Variants in RNF44 observed in about 807,000 individuals in gnomAD.
RNF44 encodes ring finger protein 44.
In RNF44, 25 loss-of-function variants were observed where a neutral mutation model predicts 53.6. That is an observed-to-expected ratio of 0.47 (90% CI 0.34 to 0.65). The LOEUF (loss-of-function observed/expected upper bound fraction) is 0.65. RNF44 is among the 30% of genes least tolerant of loss of function. RNF44 has a pLI of 0.01. For synonymous variants in RNF44, 282 were observed against 252.2 expected (o/e 1.12, Z -1.12); for missense variants, 581 against 595.5 (o/e 0.98, Z 0.25).
At chr5:176,540,056 C>T (rs182343821), upstream of RNF44, among the ~76,000 whole-genome samples, 1 of 152,336 alleles carries the variant, frequency 6.6e-6, no homozygotes, top group East Asian at 1.9e-4. Context: ...TGTGACATCT[C>T]CAGCTGTGCT....
intron 10 of RNF44, 35 bp downstream of exon 10, chr5:176,529,253 G>A (rs1350479536): frequency 1.3e-6 from 2 of 1,588,108 alleles, no homozygotes; most frequent in Admixed American, 1.7e-5. Context: ...GTCACTGCAT[G>A]AGGAATACCC....
At chr5:176,537,403 G>T (rs1757296360), upstream of RNF44, 1 of 151,638 alleles carries the variant, frequency 6.6e-6, no homozygotes, top group South Asian at 2.1e-4. Flanking sequence ...CTGCAAGCCC[G>T]CAGGGGCCCC....
rs1756791771 is a variant in RNF44 at position 176,532,528 on chromosome 5, G to A, written c.-44-12C>T. The A allele has an allele frequency of 6.7e-7, 1 of 1,484,940 alleles. No homozygotes were observed. Among genetic ancestry groups the A allele is most frequent in the Non-Finnish European group, 8.9e-7 (1 of 1,121,676 alleles). 92.0% of individuals were successfully genotyped at this position (1,484,940 alleles called of 1,614,324 possible). On this transcript the variant is annotated splice_polypyrimidine_tract_variant and intron_variant, in intron 1 of 10. Transcript: ENST00000274811. Reference sequence around the variant, plus strand: ...CGGGACTCACAACCCTAGGAGGCAAGGAGACAAGAAGACTGAGGCACCTGG... The same window carrying A: ...CGGGACTCACAACCCTAGGAGGCAAAGAGACAAGAAGACTGAGGCACCTGG...
At chr5:176,529,464 G>A (rs1561842650) in intron 9 of RNF44, 59 bp downstream of exon 9, 45 of 1,608,224 alleles carry the variant, frequency 2.8e-5, no homozygotes, top group East Asian at 4.5e-5. Context: ...CCCCTGAGAG[G>A]GGCGTCCCAC....
chr5:176,530,454 G>T, intron 6 of RNF44, 128 bp downstream of exon 6: 12 of 1,137,320 alleles, frequency 1.1e-5, no homozygotes, highest in Non-Finnish European at 1.3e-5. Context: ...CAGCCGCCCC[G>T]GAGCCCACGT....
At chr5:176,542,793 C>A (rs1757482361), upstream of RNF44, 1 of 152,336 alleles carries the variant, frequency 6.6e-6, no homozygotes, top group African/African-American at 2.4e-5. Flanking sequence ...TGAAGTGCAG[C>A]GGTCTGTTCC....
chr5:176,537,740 G>T (rs981554831), upstream of RNF44: 4 of 152,234 alleles, frequency 2.6e-5, no homozygotes, highest in African/African-American at 9.6e-5. Flanking sequence ...CTGTGTCATG[G>T]TCCCCTCCTC....
chr5:176,536,670 A>G (rs1398964919), intron 1 of RNF44, among the ~76,000 whole-genome samples: 1 of 151,756 alleles, frequency 6.6e-6, no homozygotes, highest in African/African-American at 2.4e-5. Flanking sequence ...GACAAAAGCA[A>G]CAACAAAGGA....
rs1757287768 is a variant in RNF44, at chr5:176,537,313, A to G, written c.-418T>C. 1 of 152,176 alleles carries G rather than the reference A, an allele frequency of 6.6e-6. No homozygotes were observed. The highest frequency in any genetic ancestry group is 2.4e-5 in the African/African-American group (1 of 41,452). 9.4% of individuals were successfully genotyped at this position (152,176 alleles called of 1,614,324 possible). On this transcript the variant is annotated 5_prime_UTR_variant, in exon 1 of 11. An upstream start codon of the reference 5' UTR is lost. Transcript: ENST00000274811. ...ACAAACCCCACATTTGATTCACAAC[A>G]TTCGAAGCGGCGGGGTCGCGCGCCA... is the stretch of plus-strand genomic sequence containing the variant.
upstream of RNF44, among the ~76,000 whole-genome samples, chr5:176,538,895 TGGAA>T (rs1218163369): frequency 6.6e-6 from 1 of 152,184 alleles, no homozygotes; most frequent in African/African-American, 2.4e-5. Context: ...TAGGGAGAAC[TGGAA>T]GGGAGAAGTT....
intron 1 of RNF44, among the ~76,000 whole-genome samples, chr5:176,536,522 G>A (rs1335637880): frequency 2.6e-5 from 4 of 152,190 alleles, no homozygotes; most frequent in African/African-American, 7.2e-5. Flanking sequence ...AGCCCCGAGA[G>A]GGGCCTCCCT....
At position 176,529,011 on chromosome 5, in the gene RNF44, C is replaced by T. The variant is rs759349698; in HGVS notation, c.*17G>A. ...GAGCTTCAGGCAGGGTTCTCCCGGG[C>T]AGGCGGCTGCGTGGCCTCACTCAGC... On this transcript the variant is annotated 3_prime_UTR_variant, in exon 11 of 11. Transcript: ENST00000274811. 1 of 1,608,160 alleles carries T rather than the reference C, an allele frequency of 6.2e-7. No homozygotes were observed. Among genetic ancestry groups the T allele is most frequent in the South Asian group, 1.1e-5 (1 of 90,496 alleles).
At chr5:176,530,361 G>A (rs1441833304) in intron 6 of RNF44, among the ~76,000 whole-genome samples, 155 bp from the exon 7 acceptor site, 2 of 81,580 alleles carry the variant, frequency 2.5e-5, no homozygotes, top group East Asian at 1.0e-3. Context: ...CCGCCCCGGA[G>A]CCCACGTGCA....
Position 176,530,935 on chromosome 5 carries a change from G to A in RNF44, c.552C>T (p.His184=). 1 of 1,446,070 alleles carries A rather than the reference G, an allele frequency of 6.9e-7. No individual in the cohort carries two copies. The highest frequency in any genetic ancestry group is 9.1e-7 in the Non-Finnish European group (1 of 1,095,812). 89.6% of individuals were successfully genotyped at this position (1,446,070 alleles called of 1,614,324 possible). A position where few individuals can be genotyped will look rare whatever the true frequency, so the allele number is the denominator to read the frequency against. ...HLISSDHYIL[H]PPPPAPPPQP... Reference sequence around the variant, plus strand: ...GGGGGGGTGGGGCCGGTGGTGGGGGGTGCAGGATGTAGTGGTCACTGGAGA... The same window carrying A: ...GGGGGGGTGGGGCCGGTGGTGGGGGATGCAGGATGTAGTGGTCACTGGAGA... The change falls in exon 5 of 11, where the codon CAC becomes CAT. Residue 184 remains histidine (H), a synonymous_variant. Coordinates refer to ENST00000274811, the MANE Select transcript of RNF44 (RefSeq NM_014901.5).
rs756470156 is a variant in RNF44 at position 176,529,189 on chromosome 5, C to A, written c.1236+99G>T. The A allele has an allele frequency of 3.2e-6, 5 of 1,557,484 alleles. No homozygotes were observed. In the South Asian group the frequency reaches 5.6e-5, roughly 18 times the overall value. ...ACTTGGTCCGCTGGAGCCAGAACTT[C>A]CGAGATGATGACAAGGACAAGGAGG... On this transcript the variant is annotated intron_variant, in intron 10 of 10. Transcript: ENST00000274811.
chr5:176,530,147 T>G lies in RNF44; in HGVS notation c.861A>C (p.Pro287=). 1 of 1,294,722 alleles carries G rather than the reference T, an allele frequency of 7.7e-7. No homozygotes were observed. 80.2% of individuals were successfully genotyped at this position (1,294,722 alleles called of 1,614,324 possible). A position where few individuals can be genotyped will look rare whatever the true frequency, so the allele number is the denominator to read the frequency against. The change falls in exon 7 of 11, where the codon CCA becomes CCC. Residue 287 remains proline (P), a synonymous_variant. Coordinates refer to ENST00000274811, the MANE Select transcript of RNF44 (RefSeq NM_014901.5). ...GTGGGGGTGGGGGCGGCGGGGGCAG[T>G]GGCTGCTGCAGGCGGTATCTCTGGG... ...LSTQRYRLQQ[P]LPPPPPPPPP...
In RNF44 at chr5:176,529,526, G is replaced by A. The variant is rs753687371; in HGVS notation, c.1133C>T (p.Thr378Met). Reference sequence around the variant, plus strand: ...GGAGGTGGGGCAGGGTACTCACAGCGTCTGCTCCGACTGATGGCTGTCCGG... The same window carrying A: ...GGAGGTGGGGCAGGGTACTCACAGCATCTGCTCCGACTGATGGCTGTCCGG... ...FNPDSHQSEQ[T>M]LCVVCFSDFE... Residue 378 changes from threonine to methionine, a missense_variant, in exon 9 of 11, where the codon ACG becomes ATG. By Grantham distance (81) the Thr-to-Met change is moderately conservative. This residue lies in a region of RNF44 where 183 missense variants were observed against 198.6 expected (regional missense o/e 0.92). Transcript: ENST00000274811. 30 of 1,613,850 alleles carry A rather than the reference G, an allele frequency of 1.9e-5. No homozygotes were observed. Among genetic ancestry groups the A allele is most frequent in the Middle Eastern group, 3.3e-4 (2 of 6,084 alleles).
At chr5:176,543,072 G>A in the RNF44 span, among the ~76,000 whole-genome samples, 10 of 151,808 alleles carry the variant, frequency 6.6e-5, no homozygotes, top group African/African-American at 2.4e-4. The surrounding 1 kb of genome is among the most constrained non-coding windows in gnomAD (Gnocchi z 4.0). Context: ...CTAGCGGACG[G>A]GGAGAAGAGC....
At chr5:176,540,546 T>C (rs1417898728), upstream of RNF44, among the ~76,000 whole-genome samples, 1 of 152,206 alleles carries the variant, frequency 6.6e-6, no homozygotes, top group Non-Finnish European at 1.5e-5. Flanking sequence ...TTCCTCAGTG[T>C]TAGGATTACC....
Sources: gnomAD v4.1 joint callset for allele counts (sites outside exome capture counted in the v4.1 genomes callset) on GRCh38, gnomAD v4.1.1 for gene constraint, gnomAD v4.1.1 regional missense constraint, Gnocchi (gnomAD v3.1) non-coding constraint, MANE v1.5 for transcripts, NCBI Gene and HGNC (gene_info 2026-07-23, HGNC 2026-07-21) for gene names.